DNAH11: variants seen among roughly 807,000 people sequenced by gnomAD.
The protein encoded by DNAH11 is axonemal beta dynein heavy chain 11.
In DNAH11, 442 loss-of-function variants were observed where a neutral mutation model predicts 526.0. That is an observed-to-expected ratio of 0.84 (90% CI 0.78 to 0.91). The LOEUF is 0.91. DNAH11 is among the 40% of genes least tolerant of loss of function. DNAH11 has a pLI of 0.00. For missense variants in DNAH11, 6,989 were observed against 5,448.7 expected (o/e 1.28, Z -8.90); for synonymous variants, 2,461 against 1,935.9 (o/e 1.27, Z -7.12).
chr7:21,817,099 A>G (rs1789827972), intron 64 of DNAH11, among the ~76,000 whole-genome samples: 1 of 152,142 alleles, frequency 6.6e-6, no homozygotes, highest in Admixed American at 6.6e-5. Context: ...CTCCGCCTAT[A>G]GAAGGATCTT....
chr7:21,901,315 C>G lies in DNAH11; in HGVS notation c.*61C>G. 1 of 1,513,998 alleles carries G rather than the reference C, an allele frequency of 6.6e-7. No individual in the cohort carries two copies. The highest frequency in any genetic ancestry group is 8.8e-7 in the Non-Finnish European group (1 of 1,131,646). 93.8% of individuals were successfully genotyped at this position (1,513,998 alleles called of 1,614,324 possible). A position where few individuals can be genotyped will look rare whatever the true frequency, so the allele number is the denominator to read the frequency against. On this transcript the variant is annotated 3_prime_UTR_variant, in exon 82 of 82. Coordinates refer to ENST00000409508, the MANE Select transcript of DNAH11 (RefSeq NM_001277115.2). The stretch of plus-strand genomic sequence containing the variant: ...GCAGTGAGGATTTTCTAGCATGTTG[C>G]TGCACTGTTCCCATGCACATTATTC...
At chr7:21,721,499 C>G (rs1178113423) in intron 44 of DNAH11, among the ~76,000 whole-genome samples, 1 of 152,126 alleles carries the variant, frequency 6.6e-6, no homozygotes, top group Non-Finnish European at 1.5e-5. Context: ...TCTCACAGTT[C>G]TGGGGACCAA....
chr7:21,891,770 C>A (rs771694589), intron 76 of DNAH11, among the ~76,000 whole-genome samples: 1 of 152,142 alleles, frequency 6.6e-6, no homozygotes, highest in Non-Finnish European at 1.5e-5. Context: ...AAACAACAGA[C>A]TTTGCTGTGA....
Position 21,738,878 on chromosome 7 carries a change from T to A in DNAH11, c.7811+12T>A. 19 of 1,570,380 alleles carry A rather than the reference T, an allele frequency of 1.2e-5. No homozygotes were observed. The highest frequency in any genetic ancestry group is 1.6e-5 in the Non-Finnish European group (19 of 1,162,150). ...GATTATGGACATTGGTAAGCAAGTC[T>A]CTGTAGTTTACTCTCTCCCAAAATC... On this transcript the variant is annotated intron_variant, in intron 47 of 81. Coordinates refer to ENST00000409508, the MANE Select transcript of DNAH11 (RefSeq NM_001277115.2).
rs147175150 is a variant in DNAH11, at chr7:21,645,248, T to G, written c.4944+6183T>G. On this transcript the variant is annotated intron_variant, in intron 28 of 81. Coordinates refer to ENST00000409508, the MANE Select transcript of DNAH11 (RefSeq NM_001277115.2). ...TGCTTTGATGTCACTTGATGAAGGT[T>G]GTTCAGTTCCAGCTTGAACTCAGTG... is the stretch of plus-strand genomic sequence containing the variant. Among the ~76,000 whole-genome samples, 383 of 152,352 alleles carry G rather than the reference T, an allele frequency of 2.5e-3. 4 individuals are homozygous for G. The highest frequency in any genetic ancestry group is 8.9e-3 in the African/African-American group (370 of 41,578).
At chr7:21,721,760 G>C (rs529488695) in intron 44 of DNAH11, among the ~76,000 whole-genome samples, 4 of 152,256 alleles carry the variant, frequency 2.6e-5, no homozygotes, top group Admixed American at 2.6e-4. Context: ...ATATGGATTT[G>C]GGGGTGGGAT....
chr7:21,851,523 A>G (rs1447694721), intron 66 of DNAH11: 1 of 471,174 alleles, frequency 2.1e-6, no homozygotes. Flanking sequence ...GGACATATTT[A>G]AAATGGTTAC....
chr7:21,880,266 C>A (rs1280106496), intron 74 of DNAH11, among the ~76,000 whole-genome samples: 1 of 152,038 alleles, frequency 6.6e-6, no homozygotes, highest in Non-Finnish European at 1.5e-5. Context: ...TCAAGGGTGT[C>A]CATGTGCCCA....
At chr7:21,662,819 T>A (rs2128466975) in intron 30 of DNAH11, among the ~76,000 whole-genome samples, 1 of 152,278 alleles carries the variant, frequency 6.6e-6, no homozygotes, top group Non-Finnish European at 1.5e-5. Context: ...ACTTTTTCAT[T>A]TAAAATTTTT....
chr7:21,550,463 G>C (rs943980954), intron 2 of DNAH11, among the ~76,000 whole-genome samples: 17 of 152,144 alleles, frequency 1.1e-4, no homozygotes, highest in Non-Finnish European at 2.4e-4. Flanking sequence ...CCCAAATATA[G>C]GATCTCATAT....
chr7:21,884,186 C>G, intron 75 of DNAH11, 105 bp from the exon 76 acceptor site: 1 of 966,714 alleles, frequency 1.0e-6, no homozygotes, highest in Non-Finnish European at 1.4e-6. Flanking sequence ...CTCCTATTGA[C>G]GGAGGCTTGG....
At chr7:21,832,029 G>A (rs1781794899) in intron 65 of DNAH11, among the ~76,000 whole-genome samples, 1 of 152,050 alleles carries the variant, frequency 6.6e-6, no homozygotes, top group African/African-American at 2.4e-5. Flanking sequence ...GGCAGAGCTT[G>A]CAGTGTGCTG....
chr7:21,855,436 A>G (rs1196927144), intron 68 of DNAH11, among the ~76,000 whole-genome samples: 1 of 152,250 alleles, frequency 6.6e-6, no homozygotes, highest in Non-Finnish European at 1.5e-5. Context: ...AAGAAAAATA[A>G]TAAGAACAAC....
intron 65 of DNAH11, among the ~76,000 whole-genome samples, chr7:21,838,592 T>C (rs1782084079): frequency 6.6e-6 from 1 of 152,206 alleles, no homozygotes; most frequent in African/African-American, 2.4e-5. Flanking sequence ...ACTTTGTACA[T>C]TTTCAGGTTT....
intron 14 of DNAH11, among the ~76,000 whole-genome samples, chr7:21,592,639 C>G (rs905626310): frequency 7.9e-5 from 12 of 152,190 alleles, no homozygotes; most frequent in Non-Finnish European, 2.9e-5. Context: ...GGCAGGGAGA[C>G]TCTTCAGAGC....
intron 65 of DNAH11, among the ~76,000 whole-genome samples, chr7:21,833,802 G>A (rs1166532247): frequency 6.6e-6 from 1 of 152,116 alleles, no homozygotes; most frequent in East Asian, 1.9e-4. Flanking sequence ...GAGTATAAAT[G>A]TTGGTATCTC....
chr7:21,804,573 C>G (rs912188393), intron 62 of DNAH11, among the ~76,000 whole-genome samples: 2 of 152,174 alleles, frequency 1.3e-5, no homozygotes, highest in African/African-American at 4.8e-5. Flanking sequence ...CAATTCTGTT[C>G]TTCCAGTTTT....
rs775702064 is a variant in DNAH11, at chr7:21,601,056, A to G, written c.3302A>G (p.Asp1101Gly). Residue 1101 changes from aspartate (D) to glycine (G), a missense_variant, in exon 17 of 82, where the codon GAC becomes GGC. Asp to Gly is a moderately conservative substitution (Grantham distance 94, BLOSUM62 -1). Transcript: ENST00000409508. ...ALYVQMSKFE[D>G]FRVFDSWFKV... Reference sequence around the variant, plus strand: ...TATGTTCAAATGAGCAAATTTGAGGACTTTAGAGTGTTTGATAGTTGGTTC... The same window carrying G: ...TATGTTCAAATGAGCAAATTTGAGGGCTTTAGAGTGTTTGATAGTTGGTTC... The G allele has an allele frequency of 6.2e-7, 1 of 1,611,922 alleles. No homozygotes were observed.
chr7:21,718,222 A>G (rs1376342013), intron 43 of DNAH11, among the ~76,000 whole-genome samples: 2 of 152,014 alleles, frequency 1.3e-5, no homozygotes, highest in African/African-American at 4.8e-5. Flanking sequence ...AGCTCTTAGC[A>G]CATAGTAGGT....
Sources: allele counts gnomAD v4.1 joint callset (sites outside exome capture counted in the v4.1 genomes callset), GRCh38; gene constraint gnomAD v4.1.1; transcripts MANE v1.5; gene names NCBI Gene and HGNC (gene_info 2026-07-23, HGNC 2026-07-21).